Variants in PDGFD observed in about 807,000 individuals in gnomAD.
PDGFD encodes the protein platelet derived growth factor D, also known as platelet-derived growth factor D.
In PDGFD, 30 loss-of-function variants were observed where a neutral mutation model predicts 44.7. The ratio of observed to expected loss-of-function variants is 0.67; its 90% CI spans 0.50 to 0.91. The LOEUF is 0.91. PDGFD is among the 40% of genes least tolerant of loss of function. The pLI is 0.00. For synonymous variants in PDGFD, 173 were observed against 168.4 expected (o/e 1.03, Z -0.21); for missense variants, 445 against 457.8 (o/e 0.97, Z 0.25).
chr11:104,121,800 A>T (rs1028506534), intron 1 of PDGFD, among the ~76,000 whole-genome samples: 1 of 152,064 alleles, frequency 6.6e-6, no homozygotes, highest in Non-Finnish European at 1.5e-5. Flanking sequence ...TGAGACTCAT[A>T]ATCATTTCAA....
At position 104,163,820 on chromosome 11, in the gene PDGFD, G is replaced by C; in HGVS notation, c.108C>G (p.Ala36=). 6.4e-7 allele frequency: 1 copy of C among 1,550,656 alleles called. No individual in the cohort carries two copies. The highest frequency in any genetic ancestry group is 8.8e-7 in the Non-Finnish European group (1 of 1,136,268). Residue 36 remains alanine, a synonymous_variant, in exon 1 of 7, where the codon GCC becomes GCG. Transcript: ENST00000393158. ...QSASIKALRN[A]NLRRDESNHL... ...GTCTCTTACCATCTCGCCTGAGGTT[G>C]GCGTTGCGCAAAGCTTTGATGGATG... is the stretch of plus-strand genomic sequence containing the variant.
chr11:103,930,584 C>G (rs1475412020), intron 5 of PDGFD, among the ~76,000 whole-genome samples: 4 of 151,046 alleles, frequency 2.6e-5, no homozygotes, highest in Non-Finnish European at 5.9e-5. Context: ...CACAGCCATA[C>G]AACCAGTCAG....
intron 3 of PDGFD, among the ~76,000 whole-genome samples, chr11:103,986,228 G>T (rs796306738): frequency 2.6e-5 from 4 of 152,180 alleles, no homozygotes; most frequent in African/African-American, 9.6e-5. Context: ...AGAGGAGACG[G>T]GTCTCTGAAG....
At chr11:103,935,744 T>C (rs1858478734) in intron 5 of PDGFD, among the ~76,000 whole-genome samples, 1 of 152,180 alleles carries the variant, frequency 6.6e-6, no homozygotes, top group Admixed American at 6.5e-5. Flanking sequence ...GCAATTCAAA[T>C]AATAACAGTA....
At chr11:103,999,676 C>T (rs1000025581) in intron 2 of PDGFD, among the ~76,000 whole-genome samples, 3 of 152,202 alleles carry the variant, frequency 2.0e-5, no homozygotes, top group Non-Finnish European at 2.9e-5. Context: ...GGGGTTTATG[C>T]TCCCTAAGCC....
chr11:104,118,512 C>A (rs112445570), intron 1 of PDGFD, among the ~76,000 whole-genome samples: 41 of 151,348 alleles, frequency 2.7e-4, no homozygotes, highest in Middle Eastern at 3.4e-3. Flanking sequence ...CCAATCAGTA[C>A]AATTTTGTTT....
intron 5 of PDGFD, among the ~76,000 whole-genome samples, chr11:103,936,262 T>A (rs1858486066): frequency 6.6e-6 from 1 of 152,216 alleles, no homozygotes; most frequent in Admixed American, 6.5e-5. Flanking sequence ...GACTCATCAC[T>A]GGTGTCGGCC....
intron 3 of PDGFD, among the ~76,000 whole-genome samples, chr11:103,950,379 TC>T (rs1858732318): frequency 7.8e-6 from 1 of 128,144 alleles, no homozygotes; most frequent in Non-Finnish European, 1.6e-5. Context: ...TGAAAACTCA[TC>T]TCTACTAATA....
intron 1 of PDGFD, among the ~76,000 whole-genome samples, chr11:104,115,352 CAT>C (rs1290023488): frequency 8.1e-5 from 12 of 148,916 alleles, no homozygotes; most frequent in Admixed American, 5.4e-4. Flanking sequence ...TAAATATACA[CAT>C]ATATGATGGA....
At chr11:104,137,574 T>C (rs927847049) in intron 1 of PDGFD, among the ~76,000 whole-genome samples, 3 of 152,168 alleles carry the variant, frequency 2.0e-5, no homozygotes, top group Non-Finnish European at 4.4e-5. Context: ...TTCCATACTT[T>C]ACAATGTTAC....
rs112539282 is a variant in PDGFD at position 104,144,899 on chromosome 11, G to C, written c.124+18905C>G. On this transcript the variant is annotated intron_variant, in intron 1 of 6. Transcript: ENST00000393158. ...AGAGCTAAAATTTAGTGAAATCACT[G>C]TATTAACATATTGTAGACACAGGTG... Among the ~76,000 whole-genome samples, 919 of 152,262 alleles carry C rather than the reference G, an allele frequency of 6.0e-3. 7 individuals are homozygous for C. The highest frequency in any genetic ancestry group is 0.021 in the African/African-American group (867 of 41,544).
At chr11:104,119,072 G>A (rs375181371) in intron 1 of PDGFD, among the ~76,000 whole-genome samples, 176 of 1,068 alleles carry the variant, frequency 0.16, 62 homozygotes, top group South Asian at 0.38. Flanking sequence ...TAATATATTG[G>A]TATAATATAT....
intron 1 of PDGFD, among the ~76,000 whole-genome samples, chr11:104,058,886 G>A (rs1351401657): frequency 6.6e-6 from 1 of 152,166 alleles, no homozygotes; most frequent in East Asian, 1.9e-4. Context: ...GACACACAAG[G>A]CTGTATACTG....
At chr11:104,037,134 G>A (rs776400594) in intron 1 of PDGFD, 17 of 1,613,660 alleles carry the variant, frequency 1.1e-5, no homozygotes, top group Non-Finnish European at 1.4e-5. Context: ...TGCCTGGGAC[G>A]TCCAGCTCCC....
chr11:104,037,503 G>A (rs1860269622), intron 1 of PDGFD: 1 of 1,614,132 alleles, frequency 6.2e-7, no homozygotes, highest in Admixed American at 1.7e-5. Flanking sequence ...AAGAAAACAT[G>A]AATATAGCGA....
intron 1 of PDGFD, among the ~76,000 whole-genome samples, chr11:104,035,109 G>C (rs1860203471): frequency 1.3e-5 from 2 of 152,092 alleles, no homozygotes; most frequent in Non-Finnish European, 2.9e-5. Flanking sequence ...ATGTCAGAGA[G>C]AGGCATATTG....
At chr11:103,958,647 T>C (rs982066482) in intron 3 of PDGFD, among the ~76,000 whole-genome samples, 2 of 152,124 alleles carry the variant, frequency 1.3e-5, no homozygotes, top group Non-Finnish European at 2.9e-5. Context: ...TTTATTATTG[T>C]GGTTAAGAGA....
chr11:104,127,790 A>G (rs1266349439), intron 1 of PDGFD, among the ~76,000 whole-genome samples: 2 of 152,188 alleles, frequency 1.3e-5, no homozygotes, highest in Non-Finnish European at 2.9e-5. Context: ...AAGATGAATG[A>G]TAAGTAAGGT....
At chr11:104,000,587 CA>C (rs1859605608) in intron 1 of PDGFD, among the ~76,000 whole-genome samples, 3 of 149,836 alleles carry the variant, frequency 2.0e-5, no homozygotes, top group Non-Finnish European at 4.4e-5. Flanking sequence ...TTCTATTAAA[CA>C]AACAACACAT....
Sources: gnomAD v4.1 joint callset for allele counts (sites outside exome capture counted in the v4.1 genomes callset) on GRCh38, gnomAD v4.1.1 for gene constraint, MANE v1.5 for transcripts, NCBI Gene and HGNC (gene_info 2026-07-23, HGNC 2026-07-21) for gene names.